The following ZNF354A variants were observed in gnomAD, a reference collection of about 807,000 sequenced individuals.
The protein encoded by ZNF354A is epididymis luminal protein 104.
A neutral mutation model predicts 53.3 loss-of-function variants in ZNF354A; 25 were observed. The ratio of observed to expected loss-of-function variants is 0.47; its 90% CI spans 0.34 to 0.66. ZNF354A has a LOEUF of 0.66. Among genes scored for constraint, ZNF354A ranks in the 30% least tolerant of loss-of-function variants. The pLI is 0.01. For synonymous variants in ZNF354A, 228 were observed against 249.0 expected, an observed-to-expected ratio of 0.92 and a Z score of 0.79; for missense variants, 586 against 716.8, an observed-to-expected ratio of 0.82 and a Z score of 2.08.
At position 178,727,065 on chromosome 5, in the gene ZNF354A, C is replaced by G. The variant is rs1765923631; in HGVS notation, c.94G>C (p.Ala32Pro). Residue 32 changes from alanine to proline, a missense_variant, in exon 3 of 5, where the codon GCC (alanine) becomes CCC (proline). Coordinates refer to ENST00000335815, the MANE Select transcript of ZNF354A (RefSeq NM_005649.3). Reference sequence around the variant, plus strand: ...CGGTACAAGTTTCTCTGAGAAGGGGCCAGCTTTCTCCACTCATCTCGGGTA... The same window carrying G: ...CGGTACAAGTTTCTCTGAGAAGGGGGCAGCTTTCTCCACTCATCTCGGGTA... ...LFTRDEWRKLAPSQRNLYRDV... is the reference protein window; with the variant it reads ...LFTRDEWRKLPPSQRNLYRDV... 1 of 1,614,112 alleles carries G rather than the reference C, an allele frequency of 6.2e-7. No individual in the cohort carries two copies. Among genetic ancestry groups the G allele is most frequent in the African/African-American group, 1.3e-5 (1 of 75,048 alleles).
intron 4 of ZNF354A, among the ~76,000 whole-genome samples, chr5:178,721,351 G>C (rs1316326617): frequency 1.3e-5 from 2 of 152,134 alleles, no homozygotes; most frequent in African/African-American, 4.8e-5. Flanking sequence ...TAACACAATT[G>C]TAAGTATTTG....
At position 178,712,938 on chromosome 5, in the gene ZNF354A, A is replaced by G. The variant is rs932631100; in HGVS notation, c.940T>C (p.Phe314Leu). Residue 314 changes from phenylalanine (F) to leucine (L), a missense_variant, in exon 5 of 5, where the codon TTT becomes CTT. This residue lies in a region of ZNF354A where 573 missense variants were observed against 680.1 expected (regional missense o/e 0.84). Coordinates refer to ENST00000335815, the MANE Select transcript of ZNF354A (RefSeq NM_005649.3). ...GKSFSRRSGL[F>L]IHQKIHAEEN... ...TCAGCATGAATTTTTTGATGTATAA[A>G]AAGGCCTGACCTTCGGCTGAAGGAT... 1.2e-6 allele frequency: 2 copies of G among 1,613,980 alleles called. No individual in the cohort carries two copies. The highest frequency in any genetic ancestry group is 2.2e-5 in the East Asian group (1 of 44,876).
chr5:178,726,269 C>T (rs1388160249), intron 3 of ZNF354A: 1 of 454,688 alleles, frequency 2.2e-6, no homozygotes, highest in East Asian at 7.0e-5. Context: ...AAATATGTTA[C>T]GGAGACCATT....
intron 4 of ZNF354A, among the ~76,000 whole-genome samples, chr5:178,715,446 A>C (rs1478101990): frequency 6.6e-6 from 1 of 151,784 alleles, no homozygotes; most frequent in East Asian, 1.9e-4. Context: ...CACATGCCTT[A>C]TATCTTTATA....
At position 178,716,800 on chromosome 5, in the gene ZNF354A, C is replaced by T. The variant is rs116765411; in HGVS notation, c.257-3179G>A. Among the ~76,000 whole-genome samples the T allele has an allele frequency of 3.0e-3, 456 of 152,124 alleles. 2 individuals are homozygous for T. The highest frequency in any genetic ancestry group is 0.011 in the African/African-American group (439 of 41,492). ...TGATAAAATAAGCCTGGAACGGGGC[C>T]GGGCGTGGTGGCTCACAGCTGCAAT... On this transcript the variant is annotated intron_variant, in intron 4 of 4. Transcript: ENST00000335815.
At chr5:178,728,079 C>T (rs7713372) in intron 2 of ZNF354A, among the ~76,000 whole-genome samples, 1,962 of 152,168 alleles carry the variant, frequency 0.013, 30 homozygotes, top group African/African-American at 0.045. Context: ...TAACCTCAGG[C>T]GATCTGCCGG....
At chr5:178,724,354 A>T (rs1050091755) in intron 4 of ZNF354A, among the ~76,000 whole-genome samples, 3 of 151,796 alleles carry the variant, frequency 2.0e-5, no homozygotes, top group African/African-American at 7.3e-5. Context: ...CCTCCGGAGT[A>T]GCTGGGATTA....
rs1188689651 is a variant in ZNF354A, at chr5:178,713,026, G to A, written c.852C>T (p.Ser284=). 2 of 1,613,868 alleles carry A rather than the reference G, an allele frequency of 1.2e-6. No homozygotes were observed. Residue 284 remains serine, a synonymous_variant, in exon 5 of 5, where the codon TCC becomes TCT. Coordinates refer to ENST00000335815, the MANE Select transcript of ZNF354A (RefSeq NM_005649.3). ...ECGKAFTLST[S]LYKHLRTHTV... ...TATGGGTTCTTAGATGTTTATAAAG[G>A]GATGTACTGAGAGTAAAGGCTTTCC... is the stretch of plus-strand genomic sequence containing the variant.
In ZNF354A at chr5:178,713,219, T is replaced by C. The variant is rs780604288; in HGVS notation, c.659A>G (p.Glu220Gly). 16 of 1,614,048 alleles carry C rather than the reference T, an allele frequency of 9.9e-6. No homozygotes were observed. Among genetic ancestry groups the C allele is most frequent in the Admixed American group, 6.7e-5 (4 of 59,990 alleles). Residue 220 changes from glutamate (E) to glycine (G), a missense_variant, in exon 5 of 5, where the codon GAA (glutamate) becomes GGA (glycine). This residue lies in a region of ZNF354A where 573 missense variants were observed against 680.1 expected (regional missense o/e 0.84). Transcript: ENST00000335815. Reference protein sequence around the residue: ...ADKRYKCSLCEKTFINTSSLR... With the variant: ...ADKRYKCSLCGKTFINTSSLR... ...GGATGAAGTGTTAATGAAGGTTTTT[T>C]CACACAGACTACATTTATAGCGTTT...
At chr5:178,729,872 G>GCTTCTTTTTTTTTT (rs746292908) in intron 1 of ZNF354A, among the ~76,000 whole-genome samples, 22,864 of 142,220 alleles carry the variant, frequency 0.16, 2,601 homozygotes, top group South Asian at 0.25. Context: ...CTAACACGAT[G>GCTTCTTTTTTTTTT]TTTCTTTTTT....
chr5:178,718,755 C>T (rs756929630), intron 4 of ZNF354A, among the ~76,000 whole-genome samples: 10 of 152,098 alleles, frequency 6.6e-5, no homozygotes, highest in Non-Finnish European at 1.3e-4. Context: ...TTTTGAGAGA[C>T]AGGGTCTTGC....
chr5:178,730,618 C>G lies in ZNF354A; in HGVS notation c.-114G>C, dbSNP rs1279613529. 1 of 151,920 alleles carries G rather than the reference C, an allele frequency of 6.6e-6. No homozygotes were observed. The highest frequency in any genetic ancestry group is 2.4e-5 in the African/African-American group (1 of 41,412). The allele number at this position is 151,920 out of a possible 1,614,324, so 9.4% of individuals were successfully genotyped here. A position where few individuals can be genotyped will look rare whatever the true frequency, so the allele number is the denominator to read the frequency against. On this transcript the variant is annotated 5_prime_UTR_variant, in exon 1 of 5. Coordinates refer to ENST00000335815, the MANE Select transcript of ZNF354A (RefSeq NM_005649.3). ...GCCGCGAGGCTCCGGAACCGCCGGC[C>G]GGGATGCAGCCTCGCGACCCGGCTC... is the stretch of plus-strand genomic sequence containing the variant.
rs865918436 is a variant in ZNF354A, at chr5:178,712,884, T to C, written c.994A>G (p.Arg332Gly). The C allele has an allele frequency of 3.7e-6, 6 of 1,614,050 alleles. No homozygotes were observed. The African/African-American group carries it at 5.3e-5, about 14-fold the overall frequency. Residue 332 changes from arginine (R) to glycine (G), a missense_variant, in exon 5 of 5, where the codon AGG (arginine) becomes GGG (glycine). Around this residue, in one of 2 missense-constraint regions of ZNF354A, gnomAD observed 573 missense variants for 680.1 expected, o/e 0.84. Coordinates refer to ENST00000335815, the MANE Select transcript of ZNF354A (RefSeq NM_005649.3). The stretch of plus-strand genomic sequence containing the variant: ...GATGTGCTGCAACTAGATGCCTTCC[T>C]ACCCGGATTATACTTACAAGGGTTT... ...EENPCKYNPG[R>G]KASSCSTSLS...
intron 2 of ZNF354A, among the ~76,000 whole-genome samples, chr5:178,727,992 A>C (rs1765944034): frequency 6.6e-6 from 1 of 152,166 alleles, no homozygotes; most frequent in African/African-American, 2.4e-5. Flanking sequence ...GTGGGATTAC[A>C]GGTGCTAGAC....
Position 178,713,135 on chromosome 5 carries a change from G to T in ZNF354A, c.743C>A (p.Ser248Ter). ...AGCTGAACTTTGGCTAAAGGCTTTT[G>T]AACATTCTTTACACTTAAATAGTTT... ...GEKLFKCKEC[S>*]KAFSQSSALI... Residue 248 changes from serine (S) to a stop codon, truncating the protein, a stop_gained, in exon 5 of 5, where the codon TCA becomes TAA. Transcript: ENST00000335815. LOFTEE classifies it high-confidence loss of function. The T allele has an allele frequency of 6.2e-7, 1 of 1,614,054 alleles. No individual in the cohort carries two copies. The highest frequency in any genetic ancestry group is 1.1e-5 in the South Asian group (1 of 91,054).
intron 4 of ZNF354A, among the ~76,000 whole-genome samples, chr5:178,715,452 T>G (rs1765693695): frequency 6.6e-6 from 1 of 152,190 alleles, no homozygotes; most frequent in African/African-American, 2.4e-5. Flanking sequence ...CCTTATATCT[T>G]TATACTATTT....
chr5:178,712,893 T>C lies in ZNF354A; in HGVS notation c.985A>G (p.Asn329Asp). 6.2e-7 allele frequency: 1 copy of C among 1,614,138 alleles called. No homozygotes were observed. The highest frequency in any genetic ancestry group is 8.5e-7 in the Non-Finnish European group (1 of 1,180,020). ...IHAEENPCKY[N>D]PGRKASSCST... Reference sequence around the variant, plus strand: ...CAACTAGATGCCTTCCTACCCGGATTATACTTACAAGGGTTTTCTTCAGCA... The same window carrying C: ...CAACTAGATGCCTTCCTACCCGGATCATACTTACAAGGGTTTTCTTCAGCA... Residue 329 changes from asparagine (N) to aspartate (D), a missense_variant, in exon 5 of 5, where the codon AAT becomes GAT. Asn to Asp is a conservative substitution (Grantham distance 23, BLOSUM62 1). Around this residue, in one of 2 missense-constraint regions of ZNF354A, gnomAD observed 573 missense variants for 680.1 expected, o/e 0.84. Coordinates refer to ENST00000335815, the MANE Select transcript of ZNF354A (RefSeq NM_005649.3).
chr5:178,725,652 G>C (rs1419567800), intron 3 of ZNF354A, among the ~76,000 whole-genome samples, 181 bp from the exon 4 acceptor site: 1 of 152,148 alleles, frequency 6.6e-6, no homozygotes, highest in Non-Finnish European at 1.5e-5. Flanking sequence ...CAAGTGACTT[G>C]TAGGACATGA....
intron 4 of ZNF354A, 121 bp from the exon 5 acceptor site, chr5:178,713,742 G>A: frequency 1.6e-6 from 2 of 1,260,184 alleles, no homozygotes; most frequent in Non-Finnish European, 2.1e-6. Flanking sequence ...ATATCTGTAT[G>A]AAAAAAATTG....
Sources: allele counts gnomAD v4.1 joint callset (sites outside exome capture counted in the v4.1 genomes callset), GRCh38; gene constraint gnomAD v4.1.1; regional missense constraint gnomAD v4.1.1; transcripts MANE v1.5; gene names NCBI Gene and HGNC (gene_info 2026-07-23, HGNC 2026-07-21).